Variants in BCOR observed in about 807,000 individuals in gnomAD.
BCOR encodes BCL-6 corepressor.
BCOR carries 10 observed loss-of-function variants against 86.7 expected under a neutral mutation model. That is an observed-to-expected ratio of 0.12 (90% CI 0.07 to 0.20). The LOEUF (loss-of-function observed/expected upper bound fraction) is 0.20, where lower values mean the gene tolerates loss of function less well. Ranked by LOEUF, BCOR falls within the 10% of genes least tolerant of loss-of-function variation. The pLI is 1.00. For synonymous variants in BCOR, 611 were observed against 609.0 expected, an observed-to-expected ratio of 1.00 and a Z score of -0.05; for missense variants, 1,259 against 1,452.1, an observed-to-expected ratio of 0.87 and a Z score of 2.16.
chrX:40,110,706 T>C (rs1937294706), intron 1 of BCOR, among the ~76,000 whole-genome samples: 2 of 41,146 alleles, frequency 4.9e-5, no homozygotes, highest in African/African-American at 1.1e-4. Flanking sequence ...TTTTTTTTTT[T>C]TTTTTTTTTT....
intron 1 of BCOR, among the ~76,000 whole-genome samples, chrX:40,123,795 T>TTGTGTGTGTGTG (rs59910543): frequency 1.2e-4 from 12 of 103,987 alleles, no homozygotes; most frequent in African/African-American, 4.3e-4. Flanking sequence ...GGTTTCCTGG[T>TTGTGTGTGTGTG]TGTGTGTGTG....
intron 1 of BCOR, among the ~76,000 whole-genome samples, chrX:40,081,163 G>C (rs1344320967): frequency 9.0e-6 from 1 of 111,430 alleles, no homozygotes; most frequent in Non-Finnish European, 1.9e-5. Flanking sequence ...GGAGTGGAAA[G>C]GGCCAATGAG....
rs149752086 is a variant in BCOR, at chrX:40,133,231, G to A, written c.-41+43776C>T. Among the ~76,000 whole-genome samples the A allele has an allele frequency of 7.3e-4, 76 of 104,565 alleles. No homozygotes were observed. In the East Asian group the frequency reaches 0.023, roughly 31 times the overall value. The allele number at this position is 104,565 out of a possible 115,157, so 90.8% of individuals were successfully genotyped here. A position where few individuals can be genotyped will look rare whatever the true frequency, so the allele number is the denominator to read the frequency against. On this transcript the variant is annotated intron_variant, in intron 1 of 14. Coordinates refer to the BCOR transcript ENST00000342274. ...CAGCTCACTGCAACCTCCGCCACCT[G>A]GGTTCAAGTGATTCTGCTGCCTCAG...
chrX:40,128,566 A>G (rs759939555), intron 1 of BCOR, among the ~76,000 whole-genome samples: 77 of 111,972 alleles, frequency 6.9e-4, no homozygotes, highest in African/African-American at 1.8e-3. Flanking sequence ...AATATTGGGG[A>G]AAAACTCCAA....
upstream of BCOR, among the ~76,000 whole-genome samples, chrX:40,099,981 T>G (rs900649247): frequency 3.6e-5 from 4 of 111,868 alleles, no homozygotes; most frequent in African/African-American, 1.3e-4. Flanking sequence ...GGTGGATATC[T>G]CTGCAAGCCA....
intron 1 of BCOR, among the ~76,000 whole-genome samples, chrX:40,169,917 G>A (rs1198098654): frequency 8.9e-6 from 1 of 111,872 alleles, no homozygotes; most frequent in Non-Finnish European, 1.9e-5. Context: ...GGAGAGTAAG[G>A]CCGGTGGGCG....
chrX:40,110,506 C>G (rs1937281889), intron 1 of BCOR, among the ~76,000 whole-genome samples: 1 of 108,681 alleles, frequency 9.2e-6, no homozygotes, highest in African/African-American at 3.3e-5. Flanking sequence ...GCAAAATATT[C>G]TCCTCTCCCC....
At chrX:40,063,110 G>GGGGGGGGGGGGA in intron 8 of BCOR, 39 bp from the exon 9 acceptor site, 2 of 644,547 alleles carry the variant, frequency 3.1e-6, no homozygotes, top group Non-Finnish European at 2.2e-6. Flanking sequence ...GGGCGGATGG[G>GGGGGGGGGGGGA]AGACGGGAGA....
intron 1 of BCOR, among the ~76,000 whole-genome samples, chrX:40,136,523 T>C (rs994176817): frequency 8.9e-6 from 1 of 112,046 alleles, no homozygotes; most frequent in African/African-American, 3.2e-5. Flanking sequence ...CCTCACACCC[T>C]TCTTAATTCT....
At chrX:40,098,286 T>C (rs1402159046), upstream of BCOR, among the ~76,000 whole-genome samples, 1 of 107,599 alleles carries the variant, frequency 9.3e-6, no homozygotes. Flanking sequence ...CGTTTTGGCC[T>C]CTCTGGATCC....
chrX:40,176,590 C>A (rs1287998656), intron 1 of BCOR, among the ~76,000 whole-genome samples: 1 of 112,579 alleles, frequency 8.9e-6, no homozygotes, highest in Admixed American at 9.2e-5. Context: ...TCCCTGCCCC[C>A]GCCCCCCAAC....
Position 40,134,078 on chromosome X carries a change from G to C in BCOR, c.-41+42929C>G, listed in dbSNP as rs750824253. 2.4e-3 allele frequency among the ~76,000 whole-genome samples: 264 copies of C among 108,003 alleles called. 1 individual carries two copies. The highest frequency in any genetic ancestry group is 8.4e-3 in the African/African-American group (251 of 29,742). 93.8% of individuals were successfully genotyped at this position (108,003 alleles called of 115,157 possible). ...CGCAGAGGAGGTGGGGCCTGGAGCTGGGAGTCAGGGTGAGCAGGGGGATCA... is the reference window on the plus strand; with the variant it reads ...CGCAGAGGAGGTGGGGCCTGGAGCTCGGAGTCAGGGTGAGCAGGGGGATCA... On this transcript the variant is annotated intron_variant, in intron 1 of 14. Transcript: ENST00000342274.
At chrX:40,114,376 G>A (rs1340252038) in intron 1 of BCOR, among the ~76,000 whole-genome samples, 1 of 111,487 alleles carries the variant, frequency 9.0e-6, no homozygotes, top group Non-Finnish European at 1.9e-5. Flanking sequence ...GGAGCCAAGT[G>A]ACCTGGTGTG....
chrX:40,151,305 G>A (rs1165028516), intron 1 of BCOR, among the ~76,000 whole-genome samples: 1 of 112,424 alleles, frequency 8.9e-6, no homozygotes, highest in African/African-American at 3.2e-5. Context: ...GAGGGAGGGG[G>A]GATCTTTCTG....
At chrX:40,097,992 C>G (rs1208015393), upstream of BCOR, among the ~76,000 whole-genome samples, 1 of 107,850 alleles carries the variant, frequency 9.3e-6, no homozygotes, top group Non-Finnish European at 1.9e-5. Flanking sequence ...CGCGTCCCCC[C>G]TCCCTGGTTC....
chrX:40,148,202 A>G lies in BCOR; in HGVS notation c.-41+28805T>C, dbSNP rs767116682. ...CGGGATTCAAGCTGGACTTCCCATA[A>G]CCAGCAACAGTGTAACGTGAAGACA... On this transcript the variant is annotated intron_variant, in intron 1 of 14. Coordinates refer to the BCOR transcript ENST00000342274. Among the ~76,000 whole-genome samples, 5 of 111,473 alleles carry G rather than the reference A, an allele frequency of 4.5e-5. No homozygotes were observed. In the East Asian group the frequency reaches 1.4e-3, roughly 32 times the overall value.
intron 1 of BCOR, among the ~76,000 whole-genome samples, chrX:40,173,145 AC>A (rs1818418866): frequency 9.0e-6 from 1 of 111,678 alleles, no homozygotes; most frequent in African/African-American, 3.3e-5. Context: ...CAAACAGATC[AC>A]TTTCATTACA....
chrX:40,174,089 G>A lies in BCOR; in HGVS notation c.-41+2918C>T, dbSNP rs141353779. 2.9e-3 allele frequency among the ~76,000 whole-genome samples: 333 copies of A among 113,118 alleles called. 1 individual carries two copies. Among genetic ancestry groups the A allele is most frequent in the African/African-American group, 0.01 (321 of 31,244 alleles). On this transcript the variant is annotated intron_variant, in intron 1 of 14. Coordinates refer to the BCOR transcript ENST00000342274. ...GCCTCCCCTGCTTGGCCTCTCCAGG[G>A]TCACCCATAATTCATTAGGTGAGGC...
At chrX:40,119,478 G>C (rs1290882176) in intron 1 of BCOR, among the ~76,000 whole-genome samples, 1 of 110,855 alleles carries the variant, frequency 9.0e-6, no homozygotes, top group African/African-American at 3.3e-5. Flanking sequence ...TTCAAGCCCT[G>C]CCTGGGCAAC....
Sources: gnomAD v4.1 joint callset for allele counts (sites outside exome capture counted in the v4.1 genomes callset) on GRCh38, gnomAD v4.1.1 for gene constraint, MANE v1.5 for transcripts, NCBI Gene and HGNC (gene_info 2026-07-23, HGNC 2026-07-21) for gene names.